Variants in MCM10 observed in about 807,000 individuals in gnomAD.
MCM10 encodes protein MCM10 homolog.
Under a neutral mutation model 109.9 loss-of-function variants are expected in MCM10, and 91 were observed. That is an observed-to-expected ratio of 0.83 (90% confidence interval 0.70 to 0.99). MCM10 has a LOEUF of 0.99. Ranked by LOEUF, MCM10 falls within the 50% of genes least tolerant of loss-of-function variation. The probability of loss-of-function intolerance (pLI) is 0.00; values close to 1 mark genes in which losing one functional copy is unlikely to be tolerated. For synonymous variants in MCM10, 380 were observed against 387.2 expected (o/e 0.98, Z 0.22); for missense variants, 1,077 against 1,061.2 (o/e 1.01, Z -0.21).
chr10:13,198,745 G>C lies in MCM10; in HGVS notation c.2176G>C (p.Glu726Gln). The stretch of plus-strand genomic sequence containing the variant: ...AAGGAGAGAACAACTTGCCTATCTG[G>C]AATCTGAGGAATTTCAGAAAATCCT... ...KKRREQLAYLESEEFQKILKA... is the reference protein window; with the variant it reads ...KKRREQLAYLQSEEFQKILKA... The change falls in exon 16 of 20, where the codon GAA becomes CAA. Residue 726 changes from glutamate (E) to glutamine (Q), a missense_variant. Glu to Gln is a conservative substitution (Grantham distance 29). Transcript: ENST00000378714. 1 of 1,613,980 alleles carries C rather than the reference G, an allele frequency of 6.2e-7. No homozygotes were observed. Among genetic ancestry groups the C allele is most frequent in the Non-Finnish European group, 8.5e-7 (1 of 1,180,022 alleles).
chr10:13,193,858 A>T (rs899061646), intron 13 of MCM10, among the ~76,000 whole-genome samples: 6 of 152,176 alleles, frequency 3.9e-5, no homozygotes, highest in African/African-American at 1.2e-4. Flanking sequence ...AGGAAACCTT[A>T]TCTTTGCGTA....
intron 10 of MCM10, 102 bp from the exon 11 acceptor site, chr10:13,191,197 T>G: frequency 1.3e-6 from 1 of 768,328 alleles, no homozygotes; most frequent in Non-Finnish European, 2.3e-6. Context: ...TTGAGAAACT[T>G]TGACGGTGTG....
chr10:13,187,187 T>C (rs1834286201), intron 9 of MCM10, among the ~76,000 whole-genome samples: 2 of 152,212 alleles, frequency 1.3e-5, no homozygotes, highest in African/African-American at 4.8e-5. Flanking sequence ...TCTGTCTCTA[T>C]GGATTTGCCT....
intron 11 of MCM10, 108 bp from the exon 12 acceptor site, chr10:13,192,147 G>A (rs962989700): frequency 2.0e-4 from 134 of 670,138 alleles, no homozygotes; most frequent in Non-Finnish European, 2.6e-4. Context: ...CGTCTTCTTC[G>A]TTTACGTATG....
rs1427667034 is a variant in MCM10 at position 13,164,164 on chromosome 10, T to G, written c.-39T>G. The G allele has an allele frequency of 6.4e-7, 1 of 1,566,504 alleles. No homozygotes were observed. The highest frequency in any genetic ancestry group is 2.3e-5 in the East Asian group (1 of 42,818). On this transcript the variant is annotated 5_prime_UTR_variant, in exon 2 of 20. Transcript: ENST00000378714. Reference sequence around the variant, plus strand: ...CATTGCTCATCTGGGCATCTGAGCCTCCTTCGAAGTTTCCTGTCACAACTG... The same window carrying G: ...CATTGCTCATCTGGGCATCTGAGCCGCCTTCGAAGTTTCCTGTCACAACTG...
intron 11 of MCM10, 53 bp downstream of exon 11, chr10:13,191,452 T>TTATG (rs1335821224): frequency 2.0e-6 from 3 of 1,463,650 alleles, no homozygotes; most frequent in Non-Finnish European, 2.9e-6. Context: ...TTATGCAGCC[T>TTATG]TAGGGATAAA....
rs778921285 is a variant in MCM10 at position 13,195,131 on chromosome 10, G to A, written c.1836G>A (p.Glu612=). 6.2e-7 allele frequency: 1 copy of A among 1,614,178 alleles called. No individual in the cohort carries two copies. Among genetic ancestry groups the A allele is most frequent in the South Asian group, 1.1e-5 (1 of 91,076 alleles). ...PPAQPPRTGS[E]FPRLEGAPAT... ...CTCAGCCTCCACGGACAGGATCCGAGTTCCCCAGGCTGGAGGGAGCCCCGG... is the reference window on the plus strand; with the variant it reads ...CTCAGCCTCCACGGACAGGATCCGAATTCCCCAGGCTGGAGGGAGCCCCGG... Residue 612 remains glutamate (E), a synonymous_variant, in exon 14 of 20, where the codon GAG becomes GAA. Transcript: ENST00000378714.
chr10:13,183,709 G>A (rs1564386261), intron 8 of MCM10, among the ~76,000 whole-genome samples: 2 of 150,660 alleles, frequency 1.3e-5, no homozygotes, highest in Admixed American at 6.6e-5. Flanking sequence ...TTTTGAAAGT[G>A]AGTCTTGCTC....
chr10:13,208,575 A>C (rs1834615481), intron 18 of MCM10, among the ~76,000 whole-genome samples: 1 of 151,712 alleles, frequency 6.6e-6, no homozygotes, highest in Non-Finnish European at 1.5e-5. Flanking sequence ...CCAAAAAAAA[A>C]AAAAAAAGGA....
chr10:13,174,724 A>G (rs1834118024), intron 5 of MCM10, among the ~76,000 whole-genome samples: 2 of 152,244 alleles, frequency 1.3e-5, no homozygotes, highest in Admixed American at 6.5e-5. Context: ...GCACCAATGT[A>G]CAACATTATT....
In MCM10 at chr10:13,185,336, C is replaced by G. The variant is rs372131463; in HGVS notation, c.1099-828C>G. On this transcript the variant is annotated intron_variant, in intron 8 of 19. Transcript: ENST00000378714. ...AAAGCCCGAGCTATTCAGGACAGTC[C>G]CTCTTGGTACAGTCTGTCCAAGAAG... is the stretch of plus-strand genomic sequence containing the variant. 1.1e-4 allele frequency among the ~76,000 whole-genome samples: 17 copies of G among 152,272 alleles called. No homozygotes were observed. The East Asian group carries it at 2.9e-3, about 26-fold the overall frequency.
In MCM10 at chr10:13,183,062, A is replaced by C. The variant is rs771134520; in HGVS notation, c.1060A>C (p.Asn354His). The change falls in exon 8 of 20, where the codon AAT becomes CAT. Residue 354 changes from asparagine (N) to histidine (H), a missense_variant. Asn to His is a moderately conservative substitution (Grantham distance 68). Coordinates refer to ENST00000378714, the MANE Select transcript of MCM10 (RefSeq NM_018518.5). ...GCAGGGGACTGTCGTAGGGATCCTC[A>C]ATGCCAACCCCATGAAGCCCAAGGA... ...TEQGTVVGIL[N>H]ANPMKPKDGS... 1.2e-6 allele frequency: 2 copies of C among 1,614,186 alleles called. No individual in the cohort carries two copies. Among genetic ancestry groups the C allele is most frequent in the Admixed American group, 1.7e-5 (1 of 60,014 alleles).
At chr10:13,200,360 C>T (rs570571042) in intron 16 of MCM10, among the ~76,000 whole-genome samples, 37 of 152,258 alleles carry the variant, frequency 2.4e-4, no homozygotes, top group African/African-American at 8.7e-4. Flanking sequence ...CAGTGCAGCA[C>T]CCCGGTCCCT....
Position 13,172,632 on chromosome 10 carries a change from G to A in MCM10, c.459G>A (p.Lys153=). Residue 153 remains lysine (K), a synonymous_variant, in exon 5 of 20, where the codon AAG becomes AAA. Transcript: ENST00000378714. The surrounding 1 kb of genome is among the most constrained non-coding windows in gnomAD (Gnocchi z 5.2). ...ATTTTACTTTTGATTAAGTAGAGAA[G>A]TCTCCCCGGCCACCTCTTAAGGAGA... ...SPARLQKSPE[K]SPRPPLKERR... The A allele has an allele frequency of 6.2e-7, 1 of 1,614,016 alleles. No individual in the cohort carries two copies. Among genetic ancestry groups the A allele is most frequent in the Non-Finnish European group, 8.5e-7 (1 of 1,180,000 alleles).
chr10:13,208,302 T>C (rs1834610991), intron 18 of MCM10, among the ~76,000 whole-genome samples: 1 of 152,112 alleles, frequency 6.6e-6, no homozygotes, highest in African/African-American at 2.4e-5. Flanking sequence ...GGAGGATCAC[T>C]TGATCCCTGA....
In MCM10 at chr10:13,192,528, T is replaced by C; in HGVS notation, c.1705T>C (p.Leu569=). 1.2e-6 allele frequency: 2 copies of C among 1,614,072 alleles called. No individual in the cohort carries two copies. The highest frequency in any genetic ancestry group is 1.7e-6 in the Non-Finnish European group (2 of 1,180,028). Reference sequence around the variant, plus strand: ...CTTGAAGCAACAGAAGCAGCGGATGTTGGAGATGAGGAGAAGGAAATCAGA... The same window carrying C: ...CTTGAAGCAACAGAAGCAGCGGATGCTGGAGATGAGGAGAAGGAAATCAGA... ...ALLKQQKQRM[L]EMRRRKSEEI... is the part of the protein sequence containing the mutation. The change falls in exon 13 of 20, where the codon TTG becomes CTG. Residue 569 remains leucine, a synonymous_variant. Coordinates refer to ENST00000378714, the MANE Select transcript of MCM10 (RefSeq NM_018518.5).
At chr10:13,201,334 T>C in intron 16 of MCM10, 87 bp from the exon 17 acceptor site, 1 of 811,868 alleles carries the variant, frequency 1.2e-6, no homozygotes. Context: ...CTGAGTCATT[T>C]GAATAATCAT....
At chr10:13,165,923 A>C (rs1021744716) in intron 2 of MCM10, among the ~76,000 whole-genome samples, 4 of 150,972 alleles carry the variant, frequency 2.6e-5, no homozygotes, top group Non-Finnish European at 5.9e-5. Flanking sequence ...ATTTAGTAAG[A>C]AAATCTCATT....
intron 17 of MCM10, among the ~76,000 whole-genome samples, chr10:13,202,562 C>T (rs1564393839): frequency 6.6e-6 from 1 of 152,144 alleles, no homozygotes; most frequent in Non-Finnish European, 1.5e-5. Flanking sequence ...GGGTCAGCTC[C>T]AAATCAGCTA....
Sources: gnomAD v4.1 joint callset for allele counts (sites outside exome capture counted in the v4.1 genomes callset) on GRCh38, gnomAD v4.1.1 for gene constraint, Gnocchi (gnomAD v3.1) non-coding constraint, MANE v1.5 for transcripts, NCBI Gene and HGNC (gene_info 2026-07-23, HGNC 2026-07-21) for gene names.